Variants in PCDH15 observed in about 807,000 individuals in gnomAD.
PCDH15 encodes the protein protocadherin related 15.
In PCDH15, 129 loss-of-function variants were observed where a neutral mutation model predicts 178.5. That is an observed-to-expected ratio of 0.72 (90% CI 0.63 to 0.84). PCDH15 has a LOEUF of 0.84. Ranked by LOEUF, PCDH15 falls within the 40% of genes least tolerant of loss-of-function variation. The pLI is 0.00. For synonymous variants in PCDH15, 800 were observed against 732.0 expected, an observed-to-expected ratio of 1.09 and a Z score of -1.50; for missense variants, 2,230 against 2,099.9, an observed-to-expected ratio of 1.06 and a Z score of -1.21.
rs778754800 is a variant in PCDH15, at chr10:53,807,143, A to G, written c.4672-13T>C. On this transcript the variant is annotated splice_polypyrimidine_tract_variant and intron_variant, in intron 37 of 37. Coordinates refer to ENST00000644397, the MANE Select transcript of PCDH15 (RefSeq NM_001384140.1). ...TTTTTCTTGCCCACTGATAAAATAA[A>G]CAAAAATATGTGAGTCACTATCAAA... The G allele has an allele frequency of 6.4e-6, 10 of 1,567,334 alleles. No homozygotes were observed. The South Asian group carries it at 1.1e-4, about 17-fold the overall frequency.
At chr10:54,593,593 A>T (rs914327680) in intron 2 of PCDH15, among the ~76,000 whole-genome samples, 1 of 152,150 alleles carries the variant, frequency 6.6e-6, no homozygotes, top group Non-Finnish European at 1.5e-5. Context: ...TTTTGAAATC[A>T]GAAAGTGTGA....
chr10:55,238,393 G>A (rs984521930), intron 1 of PCDH15, among the ~76,000 whole-genome samples: 8 of 151,794 alleles, frequency 5.3e-5, no homozygotes, highest in African/African-American at 1.7e-4. Context: ...CTCGTGATCC[G>A]CCCACCTCGG....
chr10:55,306,373 T>A (rs930773303), intron 1 of PCDH15, among the ~76,000 whole-genome samples: 1 of 152,254 alleles, frequency 6.6e-6, no homozygotes, highest in African/African-American at 2.4e-5. Flanking sequence ...CCTTACACAG[T>A]TCCTATCAAT....
intron 32 of PCDH15, chr10:53,824,992 G>A (rs2076580741): frequency 1.9e-6 from 2 of 1,051,240 alleles, no homozygotes; most frequent in Admixed American, 4.3e-5. Context: ...ATTGGGTGTG[G>A]AAGACAAAAC....
chr10:54,322,452 T>A (rs1419343074), intron 7 of PCDH15, among the ~76,000 whole-genome samples: 2 of 151,968 alleles, frequency 1.3e-5, no homozygotes, highest in African/African-American at 4.8e-5. Context: ...AGCAAGAATA[T>A]CTTTTAAAAA....
intron 26 of PCDH15, among the ~76,000 whole-genome samples, chr10:53,894,217 G>C (rs931692950): frequency 6.6e-6 from 1 of 152,104 alleles, no homozygotes; most frequent in African/African-American, 2.4e-5. Flanking sequence ...AGTATAATTG[G>C]TTTAAGTGCT....
chr10:53,916,702 C>T (rs1448340731), intron 25 of PCDH15, among the ~76,000 whole-genome samples: 1 of 152,106 alleles, frequency 6.6e-6, no homozygotes, highest in Non-Finnish European at 1.5e-5. Flanking sequence ...TGGGTCTAAC[C>T]TGATAATACC....
intron 13 of PCDH15, among the ~76,000 whole-genome samples, chr10:54,178,189 A>G (rs2047628295): frequency 1.3e-5 from 2 of 152,138 alleles, no homozygotes; most frequent in African/African-American, 2.4e-5. Context: ...AGGACTTTTG[A>G]CTTTGACATG....
chr10:53,868,658 G>T (rs901397315), intron 26 of PCDH15, among the ~76,000 whole-genome samples: 2 of 152,082 alleles, frequency 1.3e-5, no homozygotes, highest in African/African-American at 2.4e-5. Context: ...TAGCAAATGT[G>T]TATTAAATAC....
chr10:55,131,949 C>A (rs1005478553), intron 2 of PCDH15, among the ~76,000 whole-genome samples: 14 of 152,092 alleles, frequency 9.2e-5, no homozygotes, highest in African/African-American at 3.4e-4. Flanking sequence ...CTACCCCTTT[C>A]CCCCCAGGAG....
intron 20 of PCDH15, among the ~76,000 whole-genome samples, chr10:54,005,770 T>C (rs1183915286): frequency 6.6e-6 from 1 of 151,856 alleles, no homozygotes; most frequent in African/African-American, 2.4e-5. Flanking sequence ...AAACTAAAAA[T>C]AGAGCTATCA....
chr10:53,858,777 T>C (rs2078919411), intron 27 of PCDH15, among the ~76,000 whole-genome samples: 1 of 152,184 alleles, frequency 6.6e-6, no homozygotes, highest in East Asian at 1.9e-4. Context: ...ATTATCTTTT[T>C]ACAAAACACT....
rs574492877 is a variant in PCDH15 at position 54,341,838 on chromosome 10, G to C, written c.594+4527C>G. 2.0e-5 allele frequency among the ~76,000 whole-genome samples: 3 copies of C among 152,310 alleles called. No homozygotes were observed. The South Asian group carries it at 6.2e-4, about 32-fold the overall frequency. On this transcript the variant is annotated intron_variant, in intron 6 of 37. Transcript: ENST00000644397. ...CACTCTTGCTATGCTTTAGCAAAGA[G>C]ACTGGTGGCATTTTGCCCCTGCCCT...
At chr10:54,756,573 T>C (rs938249613) in intron 1 of PCDH15, among the ~76,000 whole-genome samples, 2 of 152,162 alleles carry the variant, frequency 1.3e-5, no homozygotes, top group African/African-American at 4.8e-5. Context: ...AAAATACATT[T>C]AGTAGGCTTG....
chr10:55,077,663 C>T (rs1249346361), intron 2 of PCDH15, among the ~76,000 whole-genome samples: 1 of 152,094 alleles, frequency 6.6e-6, no homozygotes, highest in Non-Finnish European at 1.5e-5. Flanking sequence ...GATTCTCCTG[C>T]CTCAGCCTCC....
chr10:55,385,800 G>GATATGCATAT (rs1837646061), intron 2 of PCDH15, among the ~76,000 whole-genome samples: 3 of 141,476 alleles, frequency 2.1e-5, no homozygotes, highest in African/African-American at 8.2e-5. Context: ...TCTGTATATA[G>GATATGCATAT]ATATGCATAT....
intron 14 of PCDH15, among the ~76,000 whole-genome samples, chr10:54,148,583 T>C (rs2044212235): frequency 6.6e-6 from 1 of 152,044 alleles, no homozygotes; most frequent in Non-Finnish European, 1.5e-5. Flanking sequence ...GCCGTGGATA[T>C]GGAGGGCCAA....
chr10:54,260,029 T>C (rs1005658515), intron 8 of PCDH15, among the ~76,000 whole-genome samples: 1 of 152,122 alleles, frequency 6.6e-6, no homozygotes, highest in South Asian at 2.1e-4. Flanking sequence ...GCAAGGAAGA[T>C]CATAGGAAAG....
At chr10:54,325,239 T>G (rs74136125) in intron 7 of PCDH15, among the ~76,000 whole-genome samples, 6,196 of 152,146 alleles carry the variant, frequency 0.041, 379 homozygotes, top group African/African-American at 0.14. Context: ...ATTTGAAGGA[T>G]TCTCTTCGAA....
Sources: allele counts gnomAD v4.1 joint callset (sites outside exome capture counted in the v4.1 genomes callset), GRCh38; gene constraint gnomAD v4.1.1; transcripts MANE v1.5; gene names NCBI Gene and HGNC (gene_info 2026-07-23, HGNC 2026-07-21).